Variants in GLI2 observed in about 807,000 individuals in gnomAD.
The protein encoded by GLI2 is transcription activator GLI2.
A neutral mutation model predicts 78.9 loss-of-function variants in GLI2; 22 were observed. The ratio of observed to expected loss-of-function variants is 0.28; its 90% CI spans 0.20 to 0.40. The LOEUF (loss-of-function observed/expected upper bound fraction) is 0.40. Among genes scored for constraint, GLI2 ranks in the 10% least tolerant of loss-of-function variants. GLI2 has a pLI of 1.00. For synonymous variants in GLI2, 974 were observed against 963.7 expected (o/e 1.01, Z -0.20); for missense variants, 2,097 against 2,213.2 (o/e 0.95, Z 1.05).
intron 2 of GLI2, among the ~76,000 whole-genome samples, chr2:120,811,589 GAGGAGGCTTCATACTAGGGGT>G (rs1353928299): frequency 1.3e-5 from 2 of 152,146 alleles, no homozygotes; most frequent in Admixed American, 1.3e-4. Context: ...GCCTGCTGGA[GAGGAGGCTTCATACTAGGGGT>G]AGGAGGAGAG....
chr2:120,948,519 C>T (rs894107105), intron 3 of GLI2, among the ~76,000 whole-genome samples: 2 of 152,204 alleles, frequency 1.3e-5, no homozygotes, highest in African/African-American at 2.4e-5. Flanking sequence ...CCAGGCCCCA[C>T]CTGCCATCTC....
At position 120,984,507 on chromosome 2, in the gene GLI2, A is replaced by G; in HGVS notation, c.1669A>G (p.Arg557Gly). The G allele has an allele frequency of 6.2e-7, 1 of 1,614,174 alleles. No homozygotes were observed. The highest frequency in any genetic ancestry group is 2.2e-5 in the East Asian group (1 of 44,878). Reference sequence around the variant, plus strand: ...CTGCAAGATCCCAGGCTGCACCAAGAGATACACAGACCCCAGCTCTCTCCG... The same window carrying G: ...CTGCAAGATCCCAGGCTGCACCAAGGGATACACAGACCCCAGCTCTCTCCG... ...YICKIPGCTK[R>G]YTDPSSLRKH... is the part of the protein sequence containing the mutation. Residue 557 changes from arginine (R) to glycine (G), a missense_variant, in exon 12 of 14, where the codon AGA becomes GGA. Transcript: ENST00000361492.
intron 2 of GLI2, among the ~76,000 whole-genome samples, chr2:120,855,108 G>C (rs998187303): frequency 1.3e-5 from 2 of 152,238 alleles, no homozygotes; most frequent in African/African-American, 4.8e-5. Flanking sequence ...CACAGCAAAT[G>C]AGCAGAGGAA....
chr2:120,963,743 G>A, intron 5 of GLI2, among the ~76,000 whole-genome samples: 1 of 152,246 alleles, frequency 6.6e-6, no homozygotes, highest in East Asian at 1.9e-4. Flanking sequence ...CCTGTGGCAG[G>A]TGGTTTTGGT....
intron 1 of GLI2, among the ~76,000 whole-genome samples, chr2:120,776,451 T>C (rs1249661425): frequency 1.3e-5 from 2 of 152,122 alleles, no homozygotes. Context: ...GCTGTGTAGA[T>C]GCATATTTTT....
chr2:120,879,549 G>C (rs1324247466), intron 2 of GLI2, among the ~76,000 whole-genome samples: 4 of 152,178 alleles, frequency 2.6e-5, no homozygotes, highest in Non-Finnish European at 5.9e-5. Flanking sequence ...GGAGGATGGT[G>C]TCCACAGTGG....
chr2:120,742,057 T>C (rs1682563546), intron 1 of GLI2, among the ~76,000 whole-genome samples: 1 of 152,222 alleles, frequency 6.6e-6, no homozygotes, highest in South Asian at 2.1e-4. Context: ...TCCAGTTGCC[T>C]TTACAGCTGG....
At chr2:120,934,680 T>A (rs1680109486) in intron 3 of GLI2, among the ~76,000 whole-genome samples, 2 of 152,138 alleles carry the variant, frequency 1.3e-5, no homozygotes, top group Non-Finnish European at 2.9e-5. Context: ...GCAAAATGCA[T>A]ATTACCCAGG....
intron 3 of GLI2, among the ~76,000 whole-genome samples, chr2:120,947,833 G>A (rs11885760): frequency 0.022 from 3,372 of 152,308 alleles, 133 homozygotes; most frequent in African/African-American, 0.078. Context: ...GCTGCATCCC[G>A]AGAGCATTTG....
chr2:120,923,468 C>A (rs1016981225), intron 2 of GLI2, among the ~76,000 whole-genome samples: 1 of 152,100 alleles, frequency 6.6e-6, no homozygotes, highest in African/African-American at 2.4e-5. Context: ...CAACAACACA[C>A]ACATACAGCA....
chr2:120,805,502 G>C (rs916606896), intron 2 of GLI2, among the ~76,000 whole-genome samples: 3 of 152,236 alleles, frequency 2.0e-5, no homozygotes, highest in Non-Finnish European at 4.4e-5. Flanking sequence ...TGCAGAGTTG[G>C]GTGAAGCTTC....
chr2:120,956,646 G>A (rs1234406702), intron 5 of GLI2, among the ~76,000 whole-genome samples: 1 of 152,132 alleles, frequency 6.6e-6, no homozygotes, highest in Non-Finnish European at 1.5e-5. Context: ...GGCACCTCCT[G>A]CAGAGCCAGC....
At chr2:120,965,032 C>G (rs1007202691) in intron 5 of GLI2, among the ~76,000 whole-genome samples, 3 of 152,348 alleles carry the variant, frequency 2.0e-5, no homozygotes, top group Non-Finnish European at 4.4e-5. Flanking sequence ...GTCAGTGGAT[C>G]TAAGCGTCAC....
intron 1 of GLI2, among the ~76,000 whole-genome samples, chr2:120,755,849 C>T (rs1384045891): frequency 6.6e-6 from 1 of 152,178 alleles, no homozygotes; most frequent in Admixed American, 6.5e-5. Context: ...TCCGCATCAA[C>T]TTGCCTTTGC....
intron 2 of GLI2, among the ~76,000 whole-genome samples, chr2:120,797,885 C>T (rs544215055): frequency 6.9e-4 from 105 of 152,332 alleles, no homozygotes; most frequent in African/African-American, 2.3e-3. Context: ...TGCCTTCTGG[C>T]TCTAATTAGA....
chr2:120,761,822 G>T (rs981221478), intron 1 of GLI2, among the ~76,000 whole-genome samples: 1 of 152,196 alleles, frequency 6.6e-6, no homozygotes, highest in Non-Finnish European at 1.5e-5. Context: ...AGCTTTCTTG[G>T]TGTATGGCTT....
In GLI2 at chr2:120,842,343, T is replaced by C. The variant is rs553080032; in HGVS notation, c.148+44875T>C. ...ACATATATATGTTTTTTAATGCAATTGTCAGCATCTTGTTTTTTTTGCATG... is the reference window on the plus strand; with the variant it reads ...ACATATATATGTTTTTTAATGCAATCGTCAGCATCTTGTTTTTTTTGCATG... On this transcript the variant is annotated intron_variant, in intron 2 of 13. Coordinates refer to ENST00000361492, the MANE Select transcript of GLI2 (RefSeq NM_001374353.1). Among the ~76,000 whole-genome samples, 10 of 152,358 alleles carry C rather than the reference T, an allele frequency of 6.6e-5. No homozygotes were observed. In the South Asian group the frequency reaches 2.1e-3, roughly 32 times the overall value.
intron 2 of GLI2, among the ~76,000 whole-genome samples, chr2:120,881,674 G>T (rs1475191900): frequency 1.4e-5 from 1 of 72,370 alleles, no homozygotes; most frequent in African/African-American, 5.8e-5. Context: ...GTGTGGGGAC[G>T]GCAGGTGGGG....
At chr2:120,911,599 C>T (rs1056272582) in intron 2 of GLI2, among the ~76,000 whole-genome samples, 3 of 152,210 alleles carry the variant, frequency 2.0e-5, no homozygotes, top group Non-Finnish European at 4.4e-5. Context: ...TGGGAGGATT[C>T]ACTCATTCAT....
Sources: gnomAD v4.1 joint callset for allele counts (sites outside exome capture counted in the v4.1 genomes callset) on GRCh38, gnomAD v4.1.1 for gene constraint, MANE v1.5 for transcripts, NCBI Gene and HGNC (gene_info 2026-07-23, HGNC 2026-07-21) for gene names.